CNN1: variants seen among roughly 807,000 people sequenced by gnomAD.
The protein encoded by CNN1 is calponin-1.
A neutral mutation model predicts 35.3 loss-of-function variants in CNN1; 21 were observed. The observed-to-expected ratio is 0.60, with a 90% confidence interval of 0.42 to 0.86. CNN1 has a LOEUF of 0.86. Ranked by LOEUF, CNN1 falls within the 40% of genes least tolerant of loss-of-function variation. The pLI, the probability that CNN1 is intolerant of heterozygous loss-of-function variation, is 0.00. For missense variants in CNN1, 314 were observed against 400.8 expected, an observed-to-expected ratio of 0.78 and a Z score of 1.85; for synonymous variants, 164 against 161.8, an observed-to-expected ratio of 1.01 and a Z score of -0.10.
At chr19:11,546,271 C>G (rs544654630) in intron 2 of CNN1, among the ~76,000 whole-genome samples, 1 of 152,002 alleles carries the variant, frequency 6.6e-6, no homozygotes, top group Non-Finnish European at 1.5e-5. Flanking sequence ...TGGCATGGCC[C>G]CTTGTGGTCA....
Position 11,547,868 on chromosome 19 carries a change from G to T in CNN1, c.462G>T (p.Pro154=), listed in dbSNP as rs369958774. Residue 154 remains proline, a synonymous_variant, in exon 5 of 7, where the codon CCG becomes CCT. Coordinates refer to ENST00000252456, the MANE Select transcript of CNN1 (RefSeq NM_001299.6). ...YAEKQERKFE[P]GKLREGRNII... ...AGAAGCAGGAGCGGAAATTCGAGCC[G>T]GGGAAGCTAAGAGAAGGGCGGAACA... is the stretch of plus-strand genomic sequence containing the variant. The T allele has an allele frequency of 6.2e-7, 1 of 1,613,970 alleles. No homozygotes were observed. Among genetic ancestry groups the T allele is most frequent in the South Asian group, 1.1e-5 (1 of 91,062 alleles).
At chr19:11,547,121 G>C in intron 4 of CNN1, 152 bp downstream of exon 4, 1 of 1,140,494 alleles carries the variant, frequency 8.8e-7, no homozygotes, top group Admixed American at 2.3e-5. Flanking sequence ...AGGGGGCCGG[G>C]CGCGGTCGCT....
intron 2 of CNN1, 58 bp from the exon 3 acceptor site, chr19:11,546,617 A>G: frequency 1.3e-6 from 2 of 1,591,662 alleles, no homozygotes; most frequent in Non-Finnish European, 1.7e-6. Flanking sequence ...TACAGGCGTG[A>G]GCCACCGTGC....
Position 11,549,469 on chromosome 19 carries a change from G to A in CNN1, c.648G>A (p.Gln216=). Residue 216 remains glutamine, a splice_region_variant and synonymous_variant, in exon 6 of 7, where the codon CAG becomes CAA. Coordinates refer to ENST00000252456, the MANE Select transcript of CNN1 (RefSeq NM_001299.6). This position sits in a 1 kb window ranked among gnomAD's most constrained non-coding sequence, Gnocchi z 5.2. ...LQMGTNKGAS[Q]AGMTAPGTKR... ...TGGGCACCAACAAAGGAGCCAGCCAGGTGAGTGGGGGCCCCCGGGACACGC... is the reference window on the plus strand; with the variant it reads ...TGGGCACCAACAAAGGAGCCAGCCAAGTGAGTGGGGGCCCCCGGGACACGC... 1.9e-6 allele frequency: 3 copies of A among 1,613,838 alleles called. No individual in the cohort carries two copies. Among genetic ancestry groups the A allele is most frequent in the Non-Finnish European group, 2.5e-6 (3 of 1,179,840 alleles).
intron 2 of CNN1, among the ~76,000 whole-genome samples, chr19:11,543,616 T>TA (rs949859389): frequency 6.7e-6 from 1 of 148,756 alleles, no homozygotes. Flanking sequence ...CTGTCTCTAC[T>TA]AAAAAAAATA....
chr19:11,548,909 A>G (rs1326379956), intron 5 of CNN1, among the ~76,000 whole-genome samples: 1 of 151,990 alleles, frequency 6.6e-6, no homozygotes, highest in Non-Finnish European at 1.5e-5. Context: ...AAAATGGGCC[A>G]GGCACAGTGG....
chr19:11,539,942 G>A, intron 1 of CNN1: 2 of 1,112,712 alleles, frequency 1.8e-6, no homozygotes, highest in Non-Finnish European at 2.2e-6. Flanking sequence ...GCCTCGGGGA[G>A]CCCGGGCCAC....
chr19:11,540,140 T>C, intron 1 of CNN1: 1 of 727,022 alleles, frequency 1.4e-6, no homozygotes, highest in Non-Finnish European at 1.6e-6. Flanking sequence ...GAAATGGGAG[T>C]GGAGTGGGGG....
chr19:11,547,402 A>C (rs1296353537), intron 4 of CNN1, among the ~76,000 whole-genome samples: 2 of 147,822 alleles, frequency 1.4e-5, no homozygotes, highest in African/African-American at 2.5e-5. Flanking sequence ...CTCAAAAAAA[A>C]AAAAACAAAA....
At position 11,538,892 on chromosome 19, in the gene CNN1, T is replaced by C; in HGVS notation, c.-36T>C. Reference sequence around the variant, plus strand: ...CCGCTGCCTCTGTTCTCAGCGTCAGTGCCGCCACTGCCCCCGCCAGAGCCC... The same window carrying C: ...CCGCTGCCTCTGTTCTCAGCGTCAGCGCCGCCACTGCCCCCGCCAGAGCCC... On this transcript the variant is annotated 5_prime_UTR_variant, in exon 1 of 7. Coordinates refer to ENST00000252456, the MANE Select transcript of CNN1 (RefSeq NM_001299.6). 1 of 1,499,656 alleles carries C rather than the reference T, an allele frequency of 6.7e-7. No individual in the cohort carries two copies. The highest frequency in any genetic ancestry group is 8.9e-7 in the Non-Finnish European group (1 of 1,117,870). The allele number at this position is 1,499,656 out of a possible 1,614,324, so 92.9% of individuals were successfully genotyped here.
chr19:11,540,887 C>T (rs1972446439), intron 1 of CNN1, among the ~76,000 whole-genome samples, 189 bp from the exon 2 acceptor site: 1 of 152,194 alleles, frequency 6.6e-6, no homozygotes, highest in Non-Finnish European at 1.5e-5. Context: ...GCAGGTGCCA[C>T]CTCAGCCCTG....
At chr19:11,544,379 G>C (rs1013861327) in intron 2 of CNN1, among the ~76,000 whole-genome samples, 14 of 152,258 alleles carry the variant, frequency 9.2e-5, no homozygotes, top group African/African-American at 3.1e-4. Flanking sequence ...CAAGAAACAA[G>C]AAGGAGGCTG....
At chr19:11,542,826 G>A (rs1972496015) in intron 2 of CNN1, among the ~76,000 whole-genome samples, 1 of 152,084 alleles carries the variant, frequency 6.6e-6, no homozygotes, top group East Asian at 1.9e-4. Flanking sequence ...CACCCACCTC[G>A]GCCTCCCAAA....
At chr19:11,539,218 G>C (rs1293546191) in intron 1 of CNN1, 12 of 1,270,250 alleles carry the variant, frequency 9.4e-6, no homozygotes, top group Admixed American at 7.6e-5. Flanking sequence ...ATAAACAGAG[G>C]GGGTCAGTCC....
intron 2 of CNN1, among the ~76,000 whole-genome samples, chr19:11,541,466 C>A (rs1972461001): frequency 6.6e-6 from 1 of 152,188 alleles, no homozygotes. Context: ...TCTGTGGCCG[C>A]CAGAGTCCCC....
chr19:11,547,586 G>A (rs1972618277), intron 4 of CNN1, among the ~76,000 whole-genome samples: 1 of 151,978 alleles, frequency 6.6e-6, no homozygotes, highest in East Asian at 1.9e-4. Context: ...GGTGGCAGGC[G>A]CTTGTAGTCC....
intron 2 of CNN1, among the ~76,000 whole-genome samples, chr19:11,544,648 G>A (rs553045048): frequency 1.3e-5 from 2 of 150,874 alleles, no homozygotes; most frequent in African/African-American, 2.4e-5. Context: ...CACCACGCCC[G>A]GTGAAGTTTT....
Position 11,546,837 on chromosome 19 carries a change from G to C in CNN1, c.258G>C (p.Glu86Asp). The change falls in exon 4 of 7, where the codon GAG (glutamate) becomes GAC (aspartate). Residue 86 changes from glutamate to aspartate, a missense_variant. Physicochemically the swap from Glu to Asp is conservative, Grantham distance 45. Transcript: ENST00000252456. ...CACCACCTGCCCCCCTCTAGCTGGA[G>C]AACATCGGCAACTTCATCAAGGCCA... is the stretch of plus-strand genomic sequence containing the variant. ...NESTQNWHQL[E>D]NIGNFIKAIT... 6.2e-7 allele frequency: 1 copy of C among 1,614,234 alleles called. No individual in the cohort carries two copies. Among genetic ancestry groups the C allele is most frequent in the Non-Finnish European group, 8.5e-7 (1 of 1,180,054 alleles).
In CNN1 at chr19:11,538,936, T is replaced by C. The variant is rs1972398874; in HGVS notation, c.9T>C (p.Ser3=). The C allele has an allele frequency of 1.3e-6, 2 of 1,592,612 alleles. No homozygotes were observed. The highest frequency in any genetic ancestry group is 1.1e-5 in the South Asian group (1 of 88,716). The change falls in exon 1 of 7, where the codon TCT becomes TCC. Residue 3 remains serine (S), a synonymous_variant. Coordinates refer to ENST00000252456, the MANE Select transcript of CNN1 (RefSeq NM_001299.6). The part of the protein sequence containing the change: MS[S]AHFNRGPAYG... ...AGAGCCCACCGGCCAGCATGTCCTC[T>C]GCTCACTTCAACCGAGGCCCTGCCT...
Sources: allele counts gnomAD v4.1 joint callset (sites outside exome capture counted in the v4.1 genomes callset), GRCh38; gene constraint gnomAD v4.1.1; non-coding constraint Gnocchi (gnomAD v3.1); transcripts MANE v1.5; gene names NCBI Gene and HGNC (gene_info 2026-07-23, HGNC 2026-07-21).